Variants in UTP18 observed in about 807,000 individuals in gnomAD.
UTP18 encodes the protein U3 small nucleolar RNA-associated protein 18 homolog.
UTP18 carries 36 observed loss-of-function variants against 61.1 expected under a neutral mutation model. The ratio of observed to expected loss-of-function variants is 0.59; its 90% confidence interval spans 0.45 to 0.78. The LOEUF (loss-of-function observed/expected upper bound fraction) is 0.78, where lower values mean the gene tolerates loss of function less well. UTP18 is among the 30% of genes least tolerant of loss of function. The pLI is 0.00. For missense variants in UTP18, 753 were observed against 693.9 expected (o/e 1.09, Z -0.96); for synonymous variants, 282 against 251.1 (o/e 1.12, Z -1.16).
At chr17:51,280,154 T>A (rs1567703063) in intron 8 of UTP18, 49 bp downstream of exon 8, 1 of 1,547,426 alleles carries the variant, frequency 6.5e-7, no homozygotes, top group Non-Finnish European at 8.9e-7. Flanking sequence ...GACACTAGTG[T>A]AGGGATAGTC....
chr17:51,275,838 A>G (rs752238123), intron 5 of UTP18, 28 bp from the exon 6 acceptor site: 33 of 1,573,064 alleles, frequency 2.1e-5, no homozygotes, highest in African/African-American at 4.2e-5. Flanking sequence ...ATTTCAATTG[A>G]TAAAATCCCA....
At position 51,277,218 on chromosome 17, in the gene UTP18, A is replaced by T. The variant is rs771176826; in HGVS notation, c.926A>T (p.Glu309Val). ...FKACFSANGE[E>V]VLATSTHSKV... ...GCTTGTTTTAGTGCTAATGGGGAAG[A>T]AGTTTTAGCCACGAGTACCCACAGC... is the stretch of plus-strand genomic sequence containing the variant. The change falls in exon 7 of 14, where the codon GAA becomes GTA. Residue 309 changes from glutamate to valine, a missense_variant. Transcript: ENST00000225298. The T allele has an allele frequency of 1.4e-5, 22 of 1,614,060 alleles. No individual in the cohort carries two copies. The highest frequency in any genetic ancestry group is 1.8e-5 in the Non-Finnish European group (21 of 1,180,034).
chr17:51,295,930 G>A (rs960941720), intron 12 of UTP18, among the ~76,000 whole-genome samples: 4 of 152,044 alleles, frequency 2.6e-5, no homozygotes, highest in South Asian at 4.1e-4. Flanking sequence ...CACTTTCTTC[G>A]TGCCTTATGT....
At chr17:51,270,995 A>T (rs1048030041) in intron 4 of UTP18, among the ~76,000 whole-genome samples, 3 of 152,144 alleles carry the variant, frequency 2.0e-5, no homozygotes, top group African/African-American at 7.2e-5. Context: ...CCAGTGTGTT[A>T]TTTTTATCTG....
Position 51,293,996 on chromosome 17 carries a change from A to G in UTP18, c.1597A>G (p.Ser533Gly), listed in dbSNP as rs1905297575. The G allele has an allele frequency of 6.2e-7, 1 of 1,610,912 alleles. No homozygotes were observed. Among genetic ancestry groups the G allele is most frequent in the Admixed American group, 1.7e-5 (1 of 59,652 alleles). The change falls in exon 12 of 14, where the codon AGT (serine) becomes GGT (glycine). Residue 533 changes from serine to glycine, a missense_variant. Ser to Gly is a moderately conservative substitution (Grantham distance 56). Transcript: ENST00000225298. ...HVHTMDFSPR[S>G]GYFALGNEKG... ...TCATACCATGGATTTTTCTCCGAGA[A>G]GTGGATACTTTGCCTTGGGGAATGA...
At chr17:51,269,786 A>G (rs1327609292) in intron 4 of UTP18, among the ~76,000 whole-genome samples, 1 of 151,984 alleles carries the variant, frequency 6.6e-6, no homozygotes, top group Admixed American at 6.6e-5. Flanking sequence ...GACTTTATCC[A>G]CTGCAGTAAT....
rs367882219 is a variant in UTP18 at position 51,280,485 on chromosome 17, A to T, written c.1204+6A>T. 1 of 1,613,530 alleles carries T rather than the reference A, an allele frequency of 6.2e-7. No homozygotes were observed. The highest frequency in any genetic ancestry group is 8.5e-7 in the Non-Finnish European group (1 of 1,179,626). The stretch of plus-strand genomic sequence containing the variant: ...GAAAGTATACGCCTCTTCGGGTAAG[A>T]CAACGACATGAAAGAAGCTAAGGAT... On this transcript the variant is annotated splice_donor_region_variant and intron_variant, in intron 9 of 13. Coordinates refer to ENST00000225298, the MANE Select transcript of UTP18 (RefSeq NM_016001.3).
intron 2 of UTP18, among the ~76,000 whole-genome samples, chr17:51,264,100 G>A (rs1441716192): frequency 1.3e-5 from 2 of 150,948 alleles, no homozygotes; most frequent in South Asian, 2.1e-4. Context: ...GCAGTGGTGC[G>A]ATCTTGGTTC....
intron 11 of UTP18, among the ~76,000 whole-genome samples, chr17:51,290,846 T>C (rs1031042986): frequency 3.3e-5 from 5 of 152,364 alleles, no homozygotes; most frequent in Middle Eastern, 6.8e-3. Context: ...ATATAATGCC[T>C]TGTAAAAAAC....
At chr17:51,266,115 TA>T in intron 2 of UTP18, 66 bp from the exon 3 acceptor site, 1 of 1,260,618 alleles carries the variant, frequency 7.9e-7, no homozygotes, top group Non-Finnish European at 1.1e-6. Context: ...CTCCAAGTGC[TA>T]AAAGCAGCAG....
At chr17:51,275,756 C>T (rs549281509) in intron 5 of UTP18, 110 bp from the exon 6 acceptor site, 12 of 1,049,290 alleles carry the variant, frequency 1.1e-5, no homozygotes, top group South Asian at 3.8e-5. Flanking sequence ...GTTACCATTC[C>T]AGTGCATTTT....
chr17:51,271,131 C>T (rs1904516248), intron 4 of UTP18, among the ~76,000 whole-genome samples: 1 of 152,154 alleles, frequency 6.6e-6, no homozygotes, highest in Non-Finnish European at 1.5e-5. Context: ...TTTATCCCCT[C>T]TCCCTATCAT....
At chr17:51,283,281 G>GC (rs991218700) in intron 9 of UTP18, among the ~76,000 whole-genome samples, 5 of 151,450 alleles carry the variant, frequency 3.3e-5, no homozygotes, top group African/African-American at 1.2e-4. Flanking sequence ...CAATTCTCCT[G>GC]CCTCAGCCTC....
At position 51,268,911 on chromosome 17, in the gene UTP18, G is replaced by T. The variant is rs533458052; in HGVS notation, c.622+7G>T. 1 of 1,612,884 alleles carries T rather than the reference G, an allele frequency of 6.2e-7. No homozygotes were observed. The highest frequency in any genetic ancestry group is 1.7e-5 in the Admixed American group (1 of 60,014). Reference sequence around the variant, plus strand: ...CGGAAAACATCTTCAGATGGTGAGCGTTGATATTTCTGTTTAAATTAGTAC... The same window carrying T: ...CGGAAAACATCTTCAGATGGTGAGCTTTGATATTTCTGTTTAAATTAGTAC... On this transcript the variant is annotated splice_region_variant and intron_variant, in intron 4 of 13. Transcript: ENST00000225298.
chr17:51,271,347 C>T (rs939049699), intron 4 of UTP18, among the ~76,000 whole-genome samples: 3 of 151,980 alleles, frequency 2.0e-5, no homozygotes, highest in Non-Finnish European at 4.4e-5. Flanking sequence ...CACTCTATCG[C>T]CCAGTCTGGA....
chr17:51,268,778 C>T (rs1904399494), intron 3 of UTP18, 59 bp from the exon 4 acceptor site: 3 of 1,412,586 alleles, frequency 2.1e-6, no homozygotes, highest in Non-Finnish European at 2.0e-6. Flanking sequence ...TTAAATGTAT[C>T]AAGCTTTATG....
At chr17:51,261,484 T>G (rs955904858) in intron 1 of UTP18, among the ~76,000 whole-genome samples, 1 of 152,162 alleles carries the variant, frequency 6.6e-6, no homozygotes, top group Non-Finnish European at 1.5e-5. Flanking sequence ...TGATCATACT[T>G]TTTGCACACA....
In UTP18 at chr17:51,277,210, T is replaced by C. The variant is rs1474939576; in HGVS notation, c.918T>C (p.Asn306=). Residue 306 remains asparagine (N), a synonymous_variant, in exon 7 of 14, where the codon AAT becomes AAC. Coordinates refer to ENST00000225298, the MANE Select transcript of UTP18 (RefSeq NM_016001.3). ...FPIFKACFSA[N]GEEVLATSTH... ...TCTTTAAGGCTTGTTTTAGTGCTAA[T>C]GGGGAAGAAGTTTTAGCCACGAGTA... is the stretch of plus-strand genomic sequence containing the variant. 1 of 1,614,186 alleles carries C rather than the reference T, an allele frequency of 6.2e-7. No individual in the cohort carries two copies. The highest frequency in any genetic ancestry group is 1.1e-5 in the South Asian group (1 of 91,092).
chr17:51,293,052 A>G (rs1332448835), intron 11 of UTP18, among the ~76,000 whole-genome samples: 3 of 152,222 alleles, frequency 2.0e-5, no homozygotes, highest in African/African-American at 7.2e-5. Context: ...CAGACTTTAT[A>G]ATGTTTAATT....
Sources: allele counts gnomAD v4.1 joint callset (sites outside exome capture counted in the v4.1 genomes callset), GRCh38; gene constraint gnomAD v4.1.1; transcripts MANE v1.5; gene names NCBI Gene and HGNC (gene_info 2026-07-23, HGNC 2026-07-21).